The following DMXL2 variants were observed in gnomAD, a reference collection of about 807,000 sequenced individuals.
DMXL2 encodes the protein dmX-like protein 2.
DMXL2 carries 103 observed loss-of-function variants against 331.1 expected under a neutral mutation model. The observed-to-expected ratio is 0.31, with a 90% CI of 0.27 to 0.37. The LOEUF (loss-of-function observed/expected upper bound fraction) is 0.37. Among genes scored for constraint, DMXL2 ranks in the 10% least tolerant of loss-of-function variants. DMXL2 has a pLI of 1.00. For missense variants in DMXL2, 3,171 were observed against 3,642.9 expected, an observed-to-expected ratio of 0.87 and a Z score of 3.33; for synonymous variants, 1,281 against 1,252.1, an observed-to-expected ratio of 1.02 and a Z score of -0.49.
At chr15:51,540,279 A>G (rs780371929) in intron 9 of DMXL2, among the ~76,000 whole-genome samples, 21 of 152,218 alleles carry the variant, frequency 1.4e-4, no homozygotes, top group East Asian at 3.8e-4. Flanking sequence ...AAAGGAATCT[A>G]TATTTGTATA....
intron 25 of DMXL2, 55 bp from the exon 26 acceptor site, chr15:51,478,402 A>C (rs746832269): frequency 6.0e-5 from 90 of 1,492,080 alleles, no homozygotes; most frequent in Admixed American, 1.2e-4. Flanking sequence ...ACACAACAGT[A>C]ATATTTCAAA....
At chr15:51,463,093 G>C (rs1050642743) in intron 33 of DMXL2, 1 of 207,248 alleles carries the variant, frequency 4.8e-6, no homozygotes, top group African/African-American at 2.4e-5. Context: ...AATTCCTCAA[G>C]CCATCCATCA....
At chr15:51,610,439 A>T (rs1375839219) in intron 1 of DMXL2, among the ~76,000 whole-genome samples, 3 of 152,212 alleles carry the variant, frequency 2.0e-5, no homozygotes, top group Non-Finnish European at 4.4e-5. Context: ...TCTGTCCAAC[A>T]ATTGAAGAGG....
At chr15:51,491,126 G>A (rs1030920929) in intron 20 of DMXL2, among the ~76,000 whole-genome samples, 9 of 152,104 alleles carry the variant, frequency 5.9e-5, no homozygotes, top group Non-Finnish European at 1.3e-4. Flanking sequence ...TCAAGTTTTT[G>A]TAATCTCCAA....
chr15:51,498,979 A>G lies in DMXL2; in HGVS notation c.4245T>C (p.Asp1415=), dbSNP rs1434402975. ...CTATCTCAGTATAATCTCGAGTACCATCTTTTCCTACGGTGACTGTTTCCT... is the reference window on the plus strand; with the variant it reads ...CTATCTCAGTATAATCTCGAGTACCGTCTTTTCCTACGGTGACTGTTTCCT... ...TAKETVTVGK[D]GTRDYTEIDS... The change falls in exon 18 of 44, where the codon GAT becomes GAC. Residue 1415 remains aspartate (D), a synonymous_variant. Transcript: ENST00000560891. 4.3e-6 allele frequency: 7 copies of G among 1,614,056 alleles called. No homozygotes were observed. The highest frequency in any genetic ancestry group is 1.6e-4 in the Middle Eastern group (1 of 6,062).
In DMXL2 at chr15:51,449,057, G is replaced by A. The variant is rs753404148; in HGVS notation, c.9104C>T (p.Ala3035Val). The change falls in exon 44 of 44, where the codon GCA becomes GTA. Residue 3035 changes from alanine to valine, a missense_variant. Physicochemically the swap from Ala to Val is moderately conservative, Grantham distance 64. This residue lies in a region of DMXL2 where 766 missense variants were observed against 940.5 expected (regional missense o/e 0.81). Coordinates refer to ENST00000560891, the MANE Select transcript of DMXL2 (RefSeq NM_001378457.1). ...IQGNRLFSCG[A>V]DGTLKTRVLP... is the part of the protein sequence containing the mutation. Reference sequence around the variant, plus strand: ...AACCCTGGTTTTCAGCGTGCCATCTGCACCACAGGAGAAGAGCCGATTGCC... The same window carrying A: ...AACCCTGGTTTTCAGCGTGCCATCTACACCACAGGAGAAGAGCCGATTGCC... 2 of 1,614,156 alleles carry A rather than the reference G, an allele frequency of 1.2e-6. No homozygotes were observed. Among genetic ancestry groups the A allele is most frequent in the Non-Finnish European group, 1.7e-6 (2 of 1,180,028 alleles).
Position 51,499,136 on chromosome 15 carries a change from C to T in DMXL2, c.4088G>A (p.Arg1363Lys), listed in dbSNP as rs2043398400. The change falls in exon 18 of 44, where the codon AGG (arginine) becomes AAG (lysine). Residue 1363 changes from arginine to lysine, a missense_variant. Physicochemically the swap from Arg to Lys is conservative, Grantham distance 26 (BLOSUM62 2). Coordinates refer to ENST00000560891, the MANE Select transcript of DMXL2 (RefSeq NM_001378457.1). ...TAAATGAGAGAGAATGGCTTTAGCC[C>T]TTCGCACTTTCCCTAAATCCATCAA... ...LELMDLGKVR[R>K]AKAILSHLVK... 6.2e-7 allele frequency: 1 copy of T among 1,613,950 alleles called. No individual in the cohort carries two copies. Among genetic ancestry groups the T allele is most frequent in the Non-Finnish European group, 8.5e-7 (1 of 1,180,000 alleles).
At chr15:51,567,040 T>C (rs2050332107) in intron 3 of DMXL2, 1 of 135,572 alleles carries the variant, frequency 7.4e-6, no homozygotes, top group South Asian at 2.3e-4. Context: ...ATGTTCCAGA[T>C]ACTTTTTTTT....
At chr15:51,519,824 G>A (rs577455778) in intron 13 of DMXL2, among the ~76,000 whole-genome samples, 7 of 151,844 alleles carry the variant, frequency 4.6e-5, no homozygotes, top group Admixed American at 1.3e-4. Context: ...TGTATTTTTA[G>A]TAGAGACAGG....
rs371288727 is a variant in DMXL2, at chr15:51,531,942, A to C, written c.2436+3721T>G. On this transcript the variant is annotated intron_variant, in intron 13 of 43. Transcript: ENST00000560891. ...ATTGGTGGGAATGTAAATTAGTACA[A>C]CCATGATAGAGAACAGTATGGAGGT... Among the ~76,000 whole-genome samples the C allele has an allele frequency of 2.0e-4, 31 of 152,318 alleles. No homozygotes were observed. In the East Asian group the frequency reaches 5.8e-3, roughly 28 times the overall value.
chr15:51,519,684 C>T (rs2047241984), intron 13 of DMXL2, among the ~76,000 whole-genome samples: 1 of 144,364 alleles, frequency 6.9e-6, no homozygotes, highest in Non-Finnish European at 1.5e-5. Context: ...CTCTTGCTGC[C>T]CAGGCTGAAA....
rs759723736 is a variant in DMXL2 at position 51,537,565 on chromosome 15, G to C, written c.1540C>G (p.Pro514Ala). The C allele has an allele frequency of 6.2e-7, 1 of 1,613,584 alleles. No homozygotes were observed. Among genetic ancestry groups the C allele is most frequent in the Non-Finnish European group, 8.5e-7 (1 of 1,179,776 alleles). The change falls in exon 11 of 44, where the codon CCT becomes GCT. Residue 514 changes from proline to alanine, a missense_variant. Around this residue, in one of 7 missense-constraint regions of DMXL2, gnomAD observed 1,674 missense variants for 1,780.2 expected, o/e 0.94. Coordinates refer to ENST00000560891, the MANE Select transcript of DMXL2 (RefSeq NM_001378457.1). ...CACACTAGAAAGGTACCATCTACAG[G>C]GTGTATTGTAAAAAGCATATCAGGA... ...KNPDMLFTIH[P>A]VDGTFLVWHV... is the part of the protein sequence containing the mutation.
At chr15:51,554,690 G>C (rs12101564) in intron 6 of DMXL2, among the ~76,000 whole-genome samples, 5 of 152,306 alleles carry the variant, frequency 3.3e-5, no homozygotes, top group African/African-American at 1.2e-4. Flanking sequence ...AGATGGAGTG[G>C]AGTGTGCAGG....
Position 51,542,183 on chromosome 15 carries a change from A to G in DMXL2, c.1105+150T>C. The G allele has an allele frequency of 1.1e-5, 8 of 735,948 alleles. No homozygotes were observed. In the South Asian group the frequency reaches 1.7e-4, roughly 16 times the overall value. The allele number at this position is 735,948 out of a possible 1,614,324, so 45.6% of individuals were successfully genotyped here. ...TCCCAATCACATAGGCCCAATTCAA[A>G]AAATGGTACTTTATATTATATCTCT... On this transcript the variant is annotated intron_variant, in intron 9 of 43. Coordinates refer to ENST00000560891, the MANE Select transcript of DMXL2 (RefSeq NM_001378457.1).
In DMXL2 at chr15:51,576,181, C is replaced by T. The variant is rs755848596; in HGVS notation, c.88G>A (p.Ala30Thr). 2 of 810,976 alleles carry T rather than the reference C, an allele frequency of 2.5e-6. No individual in the cohort carries two copies. Among genetic ancestry groups the T allele is most frequent in the Middle Eastern group, 3.2e-4 (1 of 3,108 alleles). The allele number at this position is 810,976 out of a possible 1,614,324, so 50.2% of individuals were successfully genotyped here. A position where few individuals can be genotyped will look rare whatever the true frequency, so the allele number is the denominator to read the frequency against. ...VGSVGDVPFT[A>T]YGSGCDIVIL... ...ACAATATCACAGCCTGATCCATATG[C>T]CTAAAAAAAAAAAAAAAAAAAAGTT... Residue 30 changes from alanine (A) to threonine (T), a missense_variant and splice_region_variant, in exon 2 of 44, where the codon GCA becomes ACA. Coordinates refer to ENST00000560891, the MANE Select transcript of DMXL2 (RefSeq NM_001378457.1).
At chr15:51,591,575 A>T (rs1013589342) in intron 1 of DMXL2, among the ~76,000 whole-genome samples, 1 of 152,228 alleles carries the variant, frequency 6.6e-6, no homozygotes. Flanking sequence ...AGCCTTGAAG[A>T]GAGCAGTGGT....
intron 1 of DMXL2, among the ~76,000 whole-genome samples, chr15:51,591,953 A>T (rs557665357): frequency 6.6e-6 from 1 of 152,314 alleles, no homozygotes; most frequent in South Asian, 2.1e-4. Flanking sequence ...AGATAAAACC[A>T]CAAAGATGGG....
intron 3 of DMXL2, among the ~76,000 whole-genome samples, chr15:51,566,017 G>A (rs1164381906): frequency 6.6e-6 from 1 of 152,134 alleles, no homozygotes; most frequent in Non-Finnish European, 1.5e-5. Flanking sequence ...AAACCAGCCT[G>A]GGCAACATTG....
At position 51,474,334 on chromosome 15, in the gene DMXL2, C is replaced by G; in HGVS notation, c.7213+10G>C. The G allele has an allele frequency of 6.3e-7, 1 of 1,597,270 alleles. No individual in the cohort carries two copies. The highest frequency in any genetic ancestry group is 8.6e-7 in the Non-Finnish European group (1 of 1,167,658). On this transcript the variant is annotated intron_variant, in intron 28 of 43. Transcript: ENST00000560891. The stretch of plus-strand genomic sequence containing the variant: ...ATTTACATACATTACTGGTATCAAA[C>G]GTATCTTACCTGAAATATTTTCTGA...
Sources: gnomAD v4.1 joint callset for allele counts (sites outside exome capture counted in the v4.1 genomes callset) on GRCh38, gnomAD v4.1.1 for gene constraint, gnomAD v4.1.1 regional missense constraint, MANE v1.5 for transcripts, NCBI Gene and HGNC (gene_info 2026-07-23, HGNC 2026-07-21) for gene names.